Variants in RALGPS2 observed in about 807,000 individuals in gnomAD.
The protein encoded by RALGPS2 is ras-specific guanine nucleotide-releasing factor RalGPS2.
A neutral mutation model predicts 86.8 loss-of-function variants in RALGPS2; 43 were observed. The ratio of observed to expected loss-of-function variants is 0.50; its 90% CI spans 0.39 to 0.64. RALGPS2 has a LOEUF of 0.64. Ranked by LOEUF, RALGPS2 falls within the 30% of genes least tolerant of loss-of-function variation. RALGPS2 has a pLI of 0.00. For missense variants in RALGPS2, 536 were observed against 694.6 expected, an observed-to-expected ratio of 0.77 and a Z score of 2.57; for synonymous variants, 243 against 231.3, an observed-to-expected ratio of 1.05 and a Z score of -0.46.
At chr1:178,804,232 C>G (rs966639479) in intron 4 of RALGPS2, among the ~76,000 whole-genome samples, 1 of 150,030 alleles carries the variant, frequency 6.7e-6, no homozygotes, top group African/African-American at 2.4e-5. Flanking sequence ...CACTCCCACC[C>G]AGATCTCTTA....
chr1:178,896,456 AT>A (rs111313896), intron 16 of RALGPS2, among the ~76,000 whole-genome samples: 9,267 of 139,024 alleles, frequency 0.067, 453 homozygotes, highest in African/African-American at 0.15. Flanking sequence ...AAACTTCTTT[AT>A]TTTTTTTTTC....
At chr1:178,729,071 A>AC (rs1320799778) in intron 1 of RALGPS2, among the ~76,000 whole-genome samples, 1 of 152,222 alleles carries the variant, frequency 6.6e-6, no homozygotes, top group African/African-American at 2.4e-5. Flanking sequence ...TTTGAATAAT[A>AC]CATTGCTTTG....
At chr1:178,764,270 A>G (rs1652391315) in intron 1 of RALGPS2, among the ~76,000 whole-genome samples, 1 of 152,060 alleles carries the variant, frequency 6.6e-6, no homozygotes, top group African/African-American at 2.4e-5. Flanking sequence ...GTTTTGTCTG[A>G]AATTAGAGTA....
intron 6 of RALGPS2, among the ~76,000 whole-genome samples, chr1:178,818,485 T>C (rs1402385040): frequency 6.6e-6 from 1 of 152,248 alleles, no homozygotes; most frequent in African/African-American, 2.4e-5. Context: ...GGGCAAAATC[T>C]GTACTTTGTA....
chr1:178,734,261 G>A (rs1202760147), intron 1 of RALGPS2, among the ~76,000 whole-genome samples: 1 of 152,206 alleles, frequency 6.6e-6, no homozygotes, highest in Non-Finnish European at 1.5e-5. Flanking sequence ...TTGTGGGAAT[G>A]TAAATGGATG....
intron 15 of RALGPS2, among the ~76,000 whole-genome samples, 199 bp downstream of exon 15, chr1:178,892,506 A>AT (rs1659759718): frequency 6.6e-6 from 1 of 152,152 alleles, no homozygotes; most frequent in Non-Finnish European, 1.5e-5. Flanking sequence ...CACAGAGCTA[A>AT]TTGCTAAAAC....
chr1:178,914,463 C>G (rs1484960206), intron 19 of RALGPS2, among the ~76,000 whole-genome samples: 1 of 152,084 alleles, frequency 6.6e-6, no homozygotes, highest in African/African-American at 2.4e-5. Context: ...ACTCCACAGC[C>G]CTGTGCAGGG....
chr1:178,871,698 A>ATG (rs1244943595), intron 8 of RALGPS2, among the ~76,000 whole-genome samples: 1 of 152,188 alleles, frequency 6.6e-6, no homozygotes, highest in Non-Finnish European at 1.5e-5. Context: ...GTGTTACATA[A>ATG]TGTCATATCC....
At chr1:178,846,453 C>T (rs1020576825) in intron 8 of RALGPS2, among the ~76,000 whole-genome samples, 3 of 152,160 alleles carry the variant, frequency 2.0e-5, no homozygotes, top group African/African-American at 7.2e-5. Flanking sequence ...GACCAAATGG[C>T]AGCTAGCCCC....
At position 178,883,521 on chromosome 1, in the gene RALGPS2, G is replaced by A. The variant is rs762719313; in HGVS notation, c.892G>A (p.Glu298Lys). 1.4e-5 allele frequency: 22 copies of A among 1,612,096 alleles called. No homozygotes were observed. The highest frequency in any genetic ancestry group is 1.9e-5 in the Non-Finnish European group (22 of 1,178,358). ...CACCCCACGTTCTGCTGCTTCCAGAGAAGATTTAGTAGGTCAGTACGTAGT... is the reference window on the plus strand; with the variant it reads ...CACCCCACGTTCTGCTGCTTCCAGAAAAGATTTAGTAGGTCAGTACGTAGT... ...TSTPRSAASR[E>K]DLVGPEVGAS... Residue 298 changes from glutamate to lysine, a missense_variant, in exon 11 of 20, where the codon GAA becomes AAA. By Grantham distance (56) the Glu-to-Lys change is moderately conservative. Around this residue, in one of 3 missense-constraint regions of RALGPS2, gnomAD observed 309 missense variants for 363.0 expected, o/e 0.85. Coordinates refer to ENST00000367635, the MANE Select transcript of RALGPS2 (RefSeq NM_152663.5).
intron 9 of RALGPS2, 121 bp downstream of exon 9, chr1:178,877,756 T>A: frequency 1.6e-6 from 2 of 1,250,968 alleles, no homozygotes; most frequent in Admixed American, 5.2e-5. Flanking sequence ...TCCATTCTAA[T>A]GTAAAGGAAA....
chr1:178,867,751 A>G (rs2102343026), intron 8 of RALGPS2, among the ~76,000 whole-genome samples: 1 of 151,776 alleles, frequency 6.6e-6, no homozygotes, highest in South Asian at 2.1e-4. Context: ...TTCTGCGGCA[A>G]TTTCTTTCCT....
chr1:178,818,735 C>T (rs1374318181), intron 6 of RALGPS2, among the ~76,000 whole-genome samples: 6 of 152,216 alleles, frequency 3.9e-5, no homozygotes, highest in Non-Finnish European at 8.8e-5. Context: ...TCATCTTTGC[C>T]TAGCCTTGTA....
intron 18 of RALGPS2, 60 bp from the exon 19 acceptor site, chr1:178,906,716 G>A: frequency 7.3e-7 from 1 of 1,377,448 alleles, no homozygotes; most frequent in South Asian, 1.3e-5. Context: ...TTATCTGGCA[G>A]AATTATTATG....
At chr1:178,764,395 A>G (rs530202854) in intron 1 of RALGPS2, among the ~76,000 whole-genome samples, 13 of 152,208 alleles carry the variant, frequency 8.5e-5, no homozygotes, top group Admixed American at 3.9e-4. Context: ...ACAGCATACA[A>G]TTGGGTCTTG....
intron 1 of RALGPS2, among the ~76,000 whole-genome samples, chr1:178,771,118 C>A (rs903802881): frequency 6.6e-6 from 1 of 152,124 alleles, no homozygotes; most frequent in Non-Finnish European, 1.5e-5. Context: ...GGATTACAGG[C>A]GTGAGCCACC....
chr1:178,729,357 A>G (rs1291627720), intron 1 of RALGPS2, among the ~76,000 whole-genome samples: 3 of 152,112 alleles, frequency 2.0e-5, no homozygotes, highest in Non-Finnish European at 2.9e-5. Context: ...TGTAAGCTTC[A>G]TGAGGACAAG....
rs1204906290 is a variant in RALGPS2 at position 178,909,936 on chromosome 1, A to C, written c.1722+3069A>C. 5.9e-5 allele frequency among the ~76,000 whole-genome samples: 9 copies of C among 152,036 alleles called. 1 individual carries two copies. Among genetic ancestry groups the C allele is most frequent in the Non-Finnish European group, 1.2e-4 (8 of 67,998 alleles). Reference sequence around the variant, plus strand: ...AGTGCTGGGATTACAGGCGTGAGCCACTGTGCCCGGCTTGTAATTCTCATA... The same window carrying C: ...AGTGCTGGGATTACAGGCGTGAGCCCCTGTGCCCGGCTTGTAATTCTCATA... On this transcript the variant is annotated intron_variant, in intron 19 of 19. Transcript: ENST00000367635.
chr1:178,753,383 A>G (rs976948636), intron 1 of RALGPS2, among the ~76,000 whole-genome samples: 1 of 152,184 alleles, frequency 6.6e-6, no homozygotes, highest in Non-Finnish European at 1.5e-5. Context: ...AAAATTAGAG[A>G]AGACCTGGGG....
Sources: gnomAD v4.1 joint callset for allele counts (sites outside exome capture counted in the v4.1 genomes callset) on GRCh38, gnomAD v4.1.1 for gene constraint, gnomAD v4.1.1 regional missense constraint, MANE v1.5 for transcripts, NCBI Gene and HGNC (gene_info 2026-07-23, HGNC 2026-07-21) for gene names.